The following XYLB variants were observed in gnomAD, a reference collection of about 807,000 sequenced individuals.
XYLB encodes xylulose kinase.
A neutral mutation model predicts 78.7 loss-of-function variants in XYLB; 62 were observed. The observed-to-expected ratio is 0.79, with a 90% CI of 0.64 to 0.97. The LOEUF (loss-of-function observed/expected upper bound fraction) is 0.97. XYLB is among the 50% of genes least tolerant of loss of function. XYLB has a pLI of 0.00. For synonymous variants in XYLB, 245 were observed against 247.4 expected, an observed-to-expected ratio of 0.99 and a Z score of 0.09; for missense variants, 687 against 676.8, an observed-to-expected ratio of 1.02 and a Z score of -0.17.
At chr3:38,368,858 G>A (rs1251900738) in intron 8 of XYLB, among the ~76,000 whole-genome samples, 1 of 151,042 alleles carries the variant, frequency 6.6e-6, no homozygotes, top group Non-Finnish European at 1.5e-5. Flanking sequence ...AGTAGGGGAC[G>A]ATCATGGAGC....
chr3:38,382,772 C>T (rs1468582732), intron 15 of XYLB, among the ~76,000 whole-genome samples: 1 of 152,230 alleles, frequency 6.6e-6, no homozygotes, highest in Non-Finnish European at 1.5e-5. Context: ...CCCCCATGGG[C>T]TCAGGAGGAG....
intron 2 of XYLB, among the ~76,000 whole-genome samples, chr3:38,353,817 G>T (rs1195491804): frequency 6.7e-6 from 1 of 148,260 alleles, no homozygotes; most frequent in East Asian, 2.0e-4. Flanking sequence ...AACCTGGGAG[G>T]CAGAGGTTGC....
chr3:38,359,327 C>CTG (rs1322372238), intron 2 of XYLB, among the ~76,000 whole-genome samples: 1 of 152,210 alleles, frequency 6.6e-6, no homozygotes, highest in East Asian at 1.9e-4. Flanking sequence ...CCAGGTGTTC[C>CTG]TTGCCCTCAT....
chr3:38,370,098 C>T lies in XYLB; in HGVS notation c.689C>T (p.Ser230Phe). 1.9e-6 allele frequency: 3 copies of T among 1,614,214 alleles called. No homozygotes were observed. The highest frequency in any genetic ancestry group is 2.7e-5 in the African/African-American group (2 of 75,056). Residue 230 changes from serine to phenylalanine, a missense_variant, in exon 9 of 19, where the codon TCC (serine) becomes TTC (phenylalanine). By Grantham distance (155) the Ser-to-Phe change is radical. Coordinates refer to ENST00000207870, the MANE Select transcript of XYLB (RefSeq NM_005108.4). The stretch of plus-strand genomic sequence containing the variant: ...TTGCAGATACAGGATAAAGTCTGGT[C>T]CCAGGCTTGCCTTGGTGCCTGTGCA... ...NLLQIQDKVW[S>F]QACLGACAPH... is the part of the protein sequence containing the mutation.
intron 18 of XYLB, among the ~76,000 whole-genome samples, chr3:38,403,006 C>T (rs1231337281): frequency 6.6e-6 from 1 of 152,056 alleles, no homozygotes. Flanking sequence ...TTTGAAGTTA[C>T]TAATGTGGGG....
At chr3:38,440,802 ATCTC>A in the XYLB span, among the ~76,000 whole-genome samples, 3 of 150,766 alleles carry the variant, frequency 2.0e-5, no homozygotes, top group African/African-American at 7.3e-5. Flanking sequence ...TACTACTTCT[ATCTC>A]TCTCTCTTTC....
intron 18 of XYLB, among the ~76,000 whole-genome samples, chr3:38,408,061 C>T (rs1199852189): frequency 2.0e-5 from 3 of 151,642 alleles, no homozygotes; most frequent in East Asian, 3.9e-4. Context: ...AACTCTCCAC[C>T]CCAAATCAAC....
chr3:38,405,539 A>G (rs1482024116), intron 18 of XYLB, among the ~76,000 whole-genome samples: 1 of 152,240 alleles, frequency 6.6e-6, no homozygotes, highest in Admixed American at 6.5e-5. Flanking sequence ...GGCACAGGAC[A>G]GTGGGTGCAG....
intron 18 of XYLB, among the ~76,000 whole-genome samples, chr3:38,404,667 A>C (rs1575534825): frequency 6.6e-6 from 1 of 152,250 alleles, no homozygotes; most frequent in South Asian, 2.1e-4. Context: ...AAAAGAAAAA[A>C]ACACAAAAAT....
At chr3:38,417,579 T>G (rs1193192769), downstream of XYLB, among the ~76,000 whole-genome samples, 2 of 152,080 alleles carry the variant, frequency 1.3e-5, no homozygotes, top group Non-Finnish European at 2.9e-5. Flanking sequence ...GCAGGCATAG[T>G]TGCTCAAAAG....
At chr3:38,375,079 C>T (rs576551695) in intron 11 of XYLB, 65 bp from the exon 12 acceptor site, 37 of 1,332,304 alleles carry the variant, frequency 2.8e-5, no homozygotes, top group East Asian at 4.9e-5. Context: ...TACAGCGCGT[C>T]GCTGGCAGAG....
chr3:38,430,092 A>G, the XYLB span, among the ~76,000 whole-genome samples: 1 of 152,182 alleles, frequency 6.6e-6, no homozygotes, highest in African/African-American at 2.4e-5. Flanking sequence ...CACTGGGTCA[A>G]ACAGTATTCC....
chr3:38,412,312 G>A (rs1255657342), intron 18 of XYLB, among the ~76,000 whole-genome samples: 3 of 152,114 alleles, frequency 2.0e-5, no homozygotes, highest in Non-Finnish European at 4.4e-5. Flanking sequence ...GTTTGTGCCT[G>A]GGCTGTAACC....
chr3:38,351,171 CAA>C (rs58457623), intron 2 of XYLB, among the ~76,000 whole-genome samples: 1,514 of 22,826 alleles, frequency 0.066, 10 homozygotes, highest in East Asian at 0.28. Context: ...GAGCCTGTCT[CAA>C]AAAAAAAAAA....
At chr3:38,397,491 G>T (rs1262644385) in intron 17 of XYLB, among the ~76,000 whole-genome samples, 1 of 152,158 alleles carries the variant, frequency 6.6e-6, no homozygotes, top group Non-Finnish European at 1.5e-5. Flanking sequence ...GGCAGGAGAG[G>T]TGGACAAAGT....
chr3:38,395,379 C>A, intron 15 of XYLB, 126 bp from the exon 16 acceptor site: 1 of 811,456 alleles, frequency 1.2e-6, no homozygotes. Context: ...TCCCGTAGTC[C>A]TGTGTGATAA....
chr3:38,349,652 A>C (rs1316945457), intron 2 of XYLB, among the ~76,000 whole-genome samples: 1 of 152,230 alleles, frequency 6.6e-6, no homozygotes, highest in African/African-American at 2.4e-5. Flanking sequence ...AAAGATCATG[A>C]GTTCAGCTTG....
At chr3:38,350,877 C>G (rs1705319706) in intron 2 of XYLB, among the ~76,000 whole-genome samples, 1 of 151,838 alleles carries the variant, frequency 6.6e-6, no homozygotes, top group South Asian at 2.1e-4. Context: ...TACAGTGGCT[C>G]ACACCTGTAA....
In XYLB at chr3:38,351,171, CAAAAAAAAAAAAAA is replaced by C. The variant is rs58457623; in HGVS notation, c.140+2554_140+2567del. 6.1e-4 allele frequency among the ~76,000 whole-genome samples: 14 copies of C among 23,074 alleles called. 2 individuals carry two copies. The highest frequency in any genetic ancestry group is 2.6e-3 in the Admixed American group (4 of 1,548). The allele number at this position is 23,074 out of a possible 152,430, so 15.1% of individuals were successfully genotyped here. ...TGGACAACAGAGGGAGAGCCTGTCT[CAAAAAAAAAAAAAA>C]AAAAAAAAAAAAAAGGAAGTCTGGA... On this transcript the variant is annotated intron_variant, in intron 2 of 18. Transcript: ENST00000207870.
Sources: gnomAD v4.1 joint callset for allele counts (sites outside exome capture counted in the v4.1 genomes callset) on GRCh38, gnomAD v4.1.1 for gene constraint, MANE v1.5 for transcripts, NCBI Gene and HGNC (gene_info 2026-07-23, HGNC 2026-07-21) for gene names.